BIK: variants seen among roughly 807,000 people sequenced by gnomAD.
The protein encoded by BIK is bcl-2-interacting killer.
A neutral mutation model predicts 12.1 loss-of-function variants in BIK; 14 were observed. That is an observed-to-expected ratio of 1.16 (90% CI 0.77 to 1.81). The LOEUF (loss-of-function observed/expected upper bound fraction) is 1.81. Among genes scored for constraint, BIK ranks in the 40% most tolerant of loss-of-function variants. BIK has a pLI of 0.00. For synonymous variants in BIK, 86 were observed against 92.3 expected (o/e 0.93, Z 0.39); for missense variants, 215 against 207.9 (o/e 1.03, Z -0.21).
At chr22:43,124,350 G>A (rs1013283782) in intron 2 of BIK, among the ~76,000 whole-genome samples, 167 bp downstream of exon 2, 5 of 152,050 alleles carry the variant, frequency 3.3e-5, no homozygotes, top group Non-Finnish European at 5.9e-5. Context: ...CCCTGGGAGC[G>A]GCTTCACTTT....
At chr22:43,118,965 C>T (rs1040292958) in intron 1 of BIK, among the ~76,000 whole-genome samples, 1 of 151,950 alleles carries the variant, frequency 6.6e-6, no homozygotes, top group African/African-American at 2.4e-5. Context: ...AGGTAGATGG[C>T]GTTTCCCCAT....
At chr22:43,111,386 C>T (rs1433466165) in intron 1 of BIK, among the ~76,000 whole-genome samples, 1 of 152,234 alleles carries the variant, frequency 6.6e-6, no homozygotes, top group Non-Finnish European at 1.5e-5. Context: ...CGGCGCGCAG[C>T]CGCCCGCCCT....
At chr22:43,128,412 G>A (rs1350745151) in intron 3 of BIK, 84 bp from the exon 4 acceptor site, 1 of 1,531,136 alleles carries the variant, frequency 6.5e-7, no homozygotes, top group East Asian at 2.3e-5. Context: ...GCTCCCCACA[G>A]CTGTGATGGT....
chr22:43,126,208 C>T (rs575423542), intron 2 of BIK, among the ~76,000 whole-genome samples: 32 of 136,564 alleles, frequency 2.3e-4, no homozygotes, highest in Non-Finnish European at 4.4e-4. Context: ...TTTTTTGAGA[C>T]GGAGTCTCGC....
Position 43,124,012 on chromosome 22 carries a change from C to A in BIK, c.-7-4C>A. The stretch of plus-strand genomic sequence containing the variant: ...TCCAGTCATATGCTGTCTTTTTGCC[C>A]CAGAGGAGAAATGTCTGAAGTAAGA... On this transcript the variant is annotated splice_polypyrimidine_tract_variant and splice_region_variant and intron_variant, in intron 1 of 4. Transcript: ENST00000216115. The A allele has an allele frequency of 1.2e-6, 2 of 1,612,994 alleles. No homozygotes were observed. Among genetic ancestry groups the A allele is most frequent in the South Asian group, 1.1e-5 (1 of 90,982 alleles).
At chr22:43,125,423 G>C (rs941675056) in intron 2 of BIK, among the ~76,000 whole-genome samples, 3 of 151,608 alleles carry the variant, frequency 2.0e-5, no homozygotes, top group Non-Finnish European at 2.9e-5. Flanking sequence ...AACCAGAACC[G>C]GGCCGGGCGC....
chr22:43,120,119 G>A (rs1930191544), intron 1 of BIK, among the ~76,000 whole-genome samples: 1 of 152,238 alleles, frequency 6.6e-6, no homozygotes, highest in Admixed American at 6.5e-5. Context: ...ATACTTGAGT[G>A]TGGTTAGCGC....
At chr22:43,121,243 G>A (rs985403363) in intron 1 of BIK, among the ~76,000 whole-genome samples, 1 of 152,184 alleles carries the variant, frequency 6.6e-6, no homozygotes, top group Non-Finnish European at 1.5e-5. Context: ...GGAAACTGAG[G>A]CTGGTGCAGG....
At position 43,127,559 on chromosome 22, in the gene BIK, C is replaced by T. The variant is rs1189967586; in HGVS notation, c.162-138C>T. ...GGAGGGATACAGGGAGGCCCACTCA[C>T]TGCCTGCCCCAAATCTGACACCATC... On this transcript the variant is annotated intron_variant, in intron 2 of 4. Coordinates refer to ENST00000216115, the MANE Select transcript of BIK (RefSeq NM_001197.5). 4 of 731,570 alleles carry T rather than the reference C, an allele frequency of 5.5e-6. No individual in the cohort carries two copies. In the East Asian group the frequency reaches 1.1e-4, roughly 20 times the overall value. The allele number at this position is 731,570 out of a possible 1,614,324, so 45.3% of individuals were successfully genotyped here.
intron 1 of BIK, among the ~76,000 whole-genome samples, chr22:43,121,779 G>A (rs923940735): frequency 5.3e-5 from 8 of 152,174 alleles, no homozygotes; most frequent in Admixed American, 5.2e-4. Flanking sequence ...ACTGCTGGCC[G>A]TCTATACAAT....
chr22:43,129,137 G>A (rs1022075958), intron 4 of BIK, 76 bp from the exon 5 acceptor site: 8 of 1,597,730 alleles, frequency 5.0e-6, no homozygotes, highest in African/African-American at 4.0e-5. Context: ...GCTTCCCCTT[G>A]GCACTCCGCT....
chr22:43,125,522 A>G (rs1237166413), intron 2 of BIK, among the ~76,000 whole-genome samples: 4 of 146,570 alleles, frequency 2.7e-5, no homozygotes, highest in Non-Finnish European at 6.0e-5. Flanking sequence ...CCTGGCCAAC[A>G]TGGTGAAACC....
chr22:43,110,973 C>T (rs1257367096), intron 1 of BIK, among the ~76,000 whole-genome samples, 170 bp downstream of exon 1: 2 of 152,190 alleles, frequency 1.3e-5, no homozygotes, highest in Admixed American at 1.3e-4. Flanking sequence ...ACTCCGGCTC[C>T]GAAACGTACC....
At position 43,120,128 on chromosome 22, in the gene BIK, G is replaced by A. The variant is rs142190867; in HGVS notation, c.-7-3888G>A. Among the ~76,000 whole-genome samples, 724 of 152,340 alleles carry A rather than the reference G, an allele frequency of 4.8e-3. 5 individuals are homozygous for A. The highest frequency in any genetic ancestry group is 0.017 in the African/African-American group (689 of 41,572). On this transcript the variant is annotated intron_variant, in intron 1 of 4. Transcript: ENST00000216115. ...GAAAGCATACTTGAGTGTGGTTAGC[G>A]CGGGAACCAAGATTGGGGTGGCAGG...
Position 43,128,624 on chromosome 22 carries a change from G to T in BIK, c.389G>T (p.Trp130Leu). ...RFWRSPNPGS[W>L]VSCEQVLLAL... ...TGGAGATCCCCGAACCCCGGGTCCT[G>T]GGTAAGAGCCTTGAGATCCCTGACC... The change falls in exon 4 of 5, where the codon TGG (tryptophan) becomes TTG (leucine). Residue 130 changes from tryptophan (W) to leucine (L), a missense_variant and splice_region_variant. Coordinates refer to ENST00000216115, the MANE Select transcript of BIK (RefSeq NM_001197.5). The T allele has an allele frequency of 6.2e-7, 1 of 1,606,784 alleles. No individual in the cohort carries two copies. The highest frequency in any genetic ancestry group is 8.5e-7 in the Non-Finnish European group (1 of 1,175,616).
At chr22:43,129,192 T>C (rs766454451) in intron 4 of BIK, 21 bp from the exon 5 acceptor site, 5 of 1,602,932 alleles carry the variant, frequency 3.1e-6, no homozygotes, top group Non-Finnish European at 3.4e-6. Flanking sequence ...CGAGCCTGAC[T>C]CCTCTGCTTT....
chr22:43,125,650 G>A (rs182260684), intron 2 of BIK, among the ~76,000 whole-genome samples: 36 of 152,192 alleles, frequency 2.4e-4, no homozygotes, highest in South Asian at 2.1e-4. Context: ...AACCCGGGAC[G>A]TGGAGGTTGC....
In BIK at chr22:43,115,041, G is replaced by A. The variant is rs556570919; in HGVS notation, c.-8+4238G>A. 6.6e-5 allele frequency among the ~76,000 whole-genome samples: 10 copies of A among 152,278 alleles called. No homozygotes were observed. In the South Asian group the frequency reaches 1.0e-3, roughly 16 times the overall value. Reference sequence around the variant, plus strand: ...CTCAGGCTGTCTGCATCCTCTCACCGGCTTTCACTGGGTCCCTGCTCTGTT... The same window carrying A: ...CTCAGGCTGTCTGCATCCTCTCACCAGCTTTCACTGGGTCCCTGCTCTGTT... On this transcript the variant is annotated intron_variant, in intron 1 of 4. Transcript: ENST00000216115.
chr22:43,115,729 C>G (rs1930098944), intron 1 of BIK, among the ~76,000 whole-genome samples: 1 of 152,054 alleles, frequency 6.6e-6, no homozygotes, highest in Non-Finnish European at 1.5e-5. Context: ...TCCCAAAGTG[C>G]TAGGATTATA....
Sources: gnomAD v4.1 joint callset for allele counts (sites outside exome capture counted in the v4.1 genomes callset) on GRCh38, gnomAD v4.1.1 for gene constraint, MANE v1.5 for transcripts, NCBI Gene and HGNC (gene_info 2026-07-23, HGNC 2026-07-21) for gene names.